REEP1: variants seen among roughly 807,000 people sequenced by gnomAD.
The protein encoded by REEP1 is receptor expression-enhancing protein 1.
Under a neutral mutation model 40.3 loss-of-function variants are expected in REEP1, and 22 were observed. The observed-to-expected ratio is 0.55, with a 90% confidence interval of 0.39 to 0.78. The LOEUF is 0.78. REEP1 is among the 30% of genes least tolerant of loss of function. The pLI, the probability that REEP1 is intolerant of heterozygous loss-of-function variation, is 0.00. For synonymous variants in REEP1, 116 were observed against 139.2 expected (o/e 0.83, Z 1.17); for missense variants, 280 against 361.1 (o/e 0.78, Z 1.82).
At chr2:86,230,481 C>T (rs774367457) in intron 6 of REEP1, among the ~76,000 whole-genome samples, 4 of 152,244 alleles carry the variant, frequency 2.6e-5, no homozygotes, top group African/African-American at 4.8e-5. Context: ...CACCTAAGCC[C>T]GCTTCCTAGC....
chr2:86,312,375 G>A (rs574803356), intron 1 of REEP1, among the ~76,000 whole-genome samples: 18 of 152,232 alleles, frequency 1.2e-4, no homozygotes, highest in East Asian at 7.7e-4. Context: ...GCACTTCTGC[G>A]TTTCAACGAT....
chr2:86,284,657 A>T (rs1301520228), intron 1 of REEP1, among the ~76,000 whole-genome samples: 1 of 152,222 alleles, frequency 6.6e-6, no homozygotes, highest in Non-Finnish European at 1.5e-5. Context: ...GATGGTTTCC[A>T]GCCCCTGCCC....
chr2:86,337,520 G>T lies in REEP1; in HGVS notation c.-10C>A. ...TGATCCATGACACCATGGCGGGCAG[G>T]CGGGCGGGCGAGGCCCGGGCGGCGC... On this transcript the variant is annotated 5_prime_UTR_variant, in exon 1 of 9. Transcript: ENST00000538924. The surrounding 1 kb of genome is among the most constrained non-coding windows in gnomAD (Gnocchi z 5.8). 7.8e-7 allele frequency: 1 copy of T among 1,275,544 alleles called. No individual in the cohort carries two copies. Among genetic ancestry groups the T allele is most frequent in the Non-Finnish European group, 9.9e-7 (1 of 1,005,580 alleles). The allele number at this position is 1,275,544 out of a possible 1,614,324, so 79.0% of individuals were successfully genotyped here. A position where few individuals can be genotyped will look rare whatever the true frequency, so the allele number is the denominator to read the frequency against.
intron 3 of REEP1, among the ~76,000 whole-genome samples, chr2:86,261,560 C>T (rs1676852053): frequency 6.6e-6 from 1 of 152,178 alleles, no homozygotes; most frequent in Admixed American, 6.5e-5. Flanking sequence ...ATCACCACTC[C>T]CTAATCTCAA....
At chr2:86,326,690 C>T (rs570380788) in intron 1 of REEP1, among the ~76,000 whole-genome samples, 28 of 150,916 alleles carry the variant, frequency 1.9e-4, no homozygotes, top group African/African-American at 4.4e-4. Flanking sequence ...CCAGCCTGGG[C>T]GACAAGAGTA....
chr2:86,282,030 A>G (rs1402646161), intron 2 of REEP1, 140 bp downstream of exon 2: 14 of 723,798 alleles, frequency 1.9e-5, no homozygotes, highest in Non-Finnish European at 2.9e-5. Flanking sequence ...GACTCCTGAG[A>G]TGTCTCATGA....
chr2:86,326,588 T>C (rs7604688), intron 1 of REEP1, among the ~76,000 whole-genome samples: 3,687 of 152,148 alleles, frequency 0.024, 150 homozygotes, highest in African/African-American at 0.082. Context: ...GGTGCATGCC[T>C]GTAATCCCAG....
intron 5 of REEP1, among the ~76,000 whole-genome samples, chr2:86,244,313 C>CT (rs55780709): frequency 9.4e-5 from 14 of 148,642 alleles, no homozygotes; most frequent in South Asian, 2.2e-4. Context: ...TGGGAGAGGG[C>CT]TTTTTTTTTT....
At chr2:86,231,418 C>T (rs545886484) in intron 6 of REEP1, among the ~76,000 whole-genome samples, 4 of 152,326 alleles carry the variant, frequency 2.6e-5, no homozygotes, top group South Asian at 2.1e-4. Flanking sequence ...AGGAAATGGA[C>T]GGAGCCCTGA....
At chr2:86,229,696 G>A (rs1038729572) in intron 6 of REEP1, among the ~76,000 whole-genome samples, 13 of 139,288 alleles carry the variant, frequency 9.3e-5, no homozygotes, top group African/African-American at 2.4e-4. Flanking sequence ...TGCAACCTCC[G>A]CCTCCCCGAT....
At position 86,243,856 on chromosome 2, in the gene REEP1, G is replaced by A. The variant is rs548183955; in HGVS notation, c.417+8101C>T. On this transcript the variant is annotated intron_variant, in intron 5 of 8. Coordinates refer to ENST00000538924, the MANE Select transcript of REEP1 (RefSeq NM_001371279.1). ...AAGAAAGAAGGCTAACTTGATGTGA[G>A]CTAGCACAGTGGCCAGGAAATGCTC... 2.3e-3 allele frequency among the ~76,000 whole-genome samples: 347 copies of A among 152,330 alleles called. 1 individual carries two copies. Among genetic ancestry groups the A allele is most frequent in the African/African-American group, 7.6e-3 (317 of 41,580 alleles).
At chr2:86,282,082 C>A (rs1678125383) in intron 2 of REEP1, 88 bp downstream of exon 2, 2 of 869,704 alleles carry the variant, frequency 2.3e-6, no homozygotes, top group Non-Finnish European at 4.0e-6. Context: ...TTCCAGTGCC[C>A]ATAGCACGGA....
At chr2:86,239,574 G>A (rs917996662) in intron 5 of REEP1, among the ~76,000 whole-genome samples, 18 of 152,162 alleles carry the variant, frequency 1.2e-4, no homozygotes, top group Non-Finnish European at 2.6e-4. Flanking sequence ...CGCCTCACTG[G>A]TGGAGTGAGC....
intron 2 of REEP1, among the ~76,000 whole-genome samples, chr2:86,269,547 T>G (rs536386276): frequency 6.6e-6 from 1 of 152,278 alleles, no homozygotes; most frequent in South Asian, 2.1e-4. Flanking sequence ...AAGTATCAAT[T>G]TTGCATTGCT....
intron 3 of REEP1, 27 bp downstream of exon 3, chr2:86,263,938 A>G: frequency 6.3e-7 from 1 of 1,581,708 alleles, no homozygotes; most frequent in Non-Finnish European, 8.7e-7. Context: ...TTGTCCTTAG[A>G]AACATCCCAA....
intron 3 of REEP1, among the ~76,000 whole-genome samples, chr2:86,258,674 C>G (rs1396296808): frequency 6.6e-6 from 1 of 152,224 alleles, no homozygotes. Context: ...TCTACCAACA[C>G]AATCCCCGCC....
intron 1 of REEP1, among the ~76,000 whole-genome samples, chr2:86,303,298 G>A (rs1405004756): frequency 7.1e-6 from 1 of 140,472 alleles, no homozygotes; most frequent in African/African-American, 2.7e-5. Context: ...CTCACTGCAA[G>A]CTCCGCCTCC....
rs1247081216 is a variant in REEP1 at position 86,215,016 on chromosome 2, G to A, written c.*2023C>T. 8.4e-6 allele frequency: 1 copy of A among 118,474 alleles called. No homozygotes were observed. Among genetic ancestry groups the A allele is most frequent in the African/African-American group, 3.1e-5 (1 of 32,764 alleles). 7.3% of individuals were successfully genotyped at this position (118,474 alleles called of 1,614,324 possible). ...AAAAAAAAAAAATTGCTAAGAAGCT[G>A]TGTAAGCTTTTTTTTTTTTTTTTTT... On this transcript the variant is annotated 3_prime_UTR_variant, in exon 9 of 9. Transcript: ENST00000538924.
rs1013406130 is a variant in REEP1, at chr2:86,215,199, CAG to C, written c.*1838_*1839del. On this transcript the variant is annotated 3_prime_UTR_variant, in exon 9 of 9. Transcript: ENST00000538924. The stretch of plus-strand genomic sequence containing the variant: ...TTTAGGTATTGGTGGGTGTGGGGCA[CAG>C]AACATGAGCAAACAGCTTCTGTTTA... 1 of 152,072 alleles carries C rather than the reference CAG, an allele frequency of 6.6e-6. No homozygotes were observed. Among genetic ancestry groups the C allele is most frequent in the Non-Finnish European group, 1.5e-5 (1 of 68,006 alleles). 9.4% of individuals were successfully genotyped at this position (152,072 alleles called of 1,614,324 possible).
Sources: gnomAD v4.1 joint callset for allele counts (sites outside exome capture counted in the v4.1 genomes callset) on GRCh38, gnomAD v4.1.1 for gene constraint, Gnocchi (gnomAD v3.1) non-coding constraint, MANE v1.5 for transcripts, NCBI Gene and HGNC (gene_info 2026-07-23, HGNC 2026-07-21) for gene names.